The following ELP4 variants were observed in gnomAD, a reference collection of about 807,000 sequenced individuals.
The protein encoded by ELP4 is elongator complex protein 4.
Under a neutral mutation model 48.9 loss-of-function variants are expected in ELP4, and 51 were observed. That is an observed-to-expected ratio of 1.04 (90% confidence interval 0.83 to 1.32). ELP4 has a LOEUF of 1.32. ELP4 is among the 40% of genes most tolerant of loss of function. The pLI, the probability that ELP4 is intolerant of heterozygous loss-of-function variation, is 0.00. For synonymous variants in ELP4, 210 were observed against 189.2 expected (o/e 1.11, Z -0.90); for missense variants, 519 against 514.6 (o/e 1.01, Z -0.08).
chr11:31,564,676 G>A (rs1299588601), intron 3 of ELP4, among the ~76,000 whole-genome samples: 1 of 152,106 alleles, frequency 6.6e-6, no homozygotes, highest in Middle Eastern at 3.2e-3. Context: ...ATGGTTTCCA[G>A]CTTCGTCTAT....
intron 9 of ELP4, among the ~76,000 whole-genome samples, chr11:31,701,623 C>G (rs556972628): frequency 6.6e-6 from 1 of 151,370 alleles, no homozygotes; most frequent in African/African-American, 2.4e-5. Flanking sequence ...GCTCCTATTG[C>G]CAAGCCAGTT....
intron 9 of ELP4, among the ~76,000 whole-genome samples, chr11:31,708,898 T>C (rs1007863396): frequency 6.6e-6 from 1 of 152,168 alleles, no homozygotes; most frequent in Non-Finnish European, 1.5e-5. Context: ...ACATCCAAGA[T>C]TTTGTTTGTA....
At chr11:31,655,818 A>G (rs988609082) in intron 9 of ELP4, among the ~76,000 whole-genome samples, 4 of 152,054 alleles carry the variant, frequency 2.6e-5, no homozygotes, top group Non-Finnish European at 2.9e-5. Flanking sequence ...TTAACTTCCT[A>G]TATAAATGTT....
intron 9 of ELP4, among the ~76,000 whole-genome samples, chr11:31,780,145 G>A (rs983576840): frequency 9.2e-5 from 14 of 152,122 alleles, no homozygotes; most frequent in Admixed American, 7.2e-4. Flanking sequence ...AAGTCTAAAG[G>A]AGGTCACCAT....
chr11:31,523,557 A>G (rs1337093769), intron 2 of ELP4, among the ~76,000 whole-genome samples: 1 of 152,162 alleles, frequency 6.6e-6, no homozygotes, highest in Non-Finnish European at 1.5e-5. Context: ...GCTAATGAGC[A>G]CTGCCAGAAA....
chr11:31,651,051 A>G (rs1451124891), intron 9 of ELP4: 1 of 151,704 alleles, frequency 6.6e-6, no homozygotes, highest in East Asian at 1.9e-4. Flanking sequence ...GAGAATTGCC[A>G]CCAATAAATT....
At chr11:31,549,340 A>G (rs1956795241) in intron 3 of ELP4, among the ~76,000 whole-genome samples, 1 of 152,168 alleles carries the variant, frequency 6.6e-6, no homozygotes, top group African/African-American at 2.4e-5. Context: ...ATGAACAGAC[A>G]CTTCTCAAAA....
At chr11:31,737,538 A>T (rs999867141) in intron 9 of ELP4, among the ~76,000 whole-genome samples, 7 of 152,128 alleles carry the variant, frequency 4.6e-5, no homozygotes, top group African/African-American at 1.7e-4. Context: ...AAGGTGGCCT[A>T]CAGACTGGGA....
chr11:31,590,123 G>T (rs184588388), intron 3 of ELP4, among the ~76,000 whole-genome samples: 2 of 151,934 alleles, frequency 1.3e-5, no homozygotes, highest in Non-Finnish European at 2.9e-5. Context: ...GGCAAAAACC[G>T]CAATTATTTT....
chr11:31,539,247 G>A (rs567830009), intron 2 of ELP4, among the ~76,000 whole-genome samples: 35 of 152,232 alleles, frequency 2.3e-4, no homozygotes, highest in African/African-American at 6.3e-4. Context: ...GGCAGATCAC[G>A]AGGTCAGGAG....
intron 9 of ELP4, among the ~76,000 whole-genome samples, chr11:31,658,785 C>T (rs1005294163): frequency 1.3e-5 from 2 of 151,912 alleles, no homozygotes; most frequent in African/African-American, 2.4e-5. Context: ...AAGGTATATA[C>T]AACTTTTAAT....
intron 9 of ELP4, among the ~76,000 whole-genome samples, chr11:31,724,587 G>C (rs1184554210): frequency 6.6e-6 from 1 of 152,204 alleles, no homozygotes; most frequent in Non-Finnish European, 1.5e-5. Context: ...TTGTGGATTT[G>C]CAAGTGACCA....
intron 2 of ELP4, among the ~76,000 whole-genome samples, chr11:31,531,050 C>T (rs1263979906): frequency 3.3e-5 from 5 of 152,150 alleles, no homozygotes; most frequent in Non-Finnish European, 7.4e-5. Context: ...GCTTATTGTA[C>T]AACCTCAAAA....
chr11:31,687,458 CATAG>C (rs1341880627), intron 9 of ELP4, among the ~76,000 whole-genome samples: 2 of 152,164 alleles, frequency 1.3e-5, no homozygotes, highest in African/African-American at 2.4e-5. Context: ...ACAGTTGACT[CATAG>C]ATAGAGAAGT....
intron 3 of ELP4, among the ~76,000 whole-genome samples, chr11:31,544,175 C>T (rs888659546): frequency 4.6e-5 from 7 of 152,214 alleles, no homozygotes; most frequent in Middle Eastern, 3.2e-3. Flanking sequence ...GTGCACCATG[C>T]GCAAGCCGAA....
chr11:31,787,444 C>T lies in ELP4; in HGVS notation c.*3920C>T, dbSNP rs886048191. On this transcript the variant is annotated 3_prime_UTR_variant, in exon 10 of 10. Coordinates refer to ENST00000640961, the MANE Select transcript of ELP4 (RefSeq NM_019040.5). ...CGTGGGCCGGAACTGGCTGCCTGACCGTGGTGGAAATTACAGCCAGCGAGA... is the reference window on the plus strand; with the variant it reads ...CGTGGGCCGGAACTGGCTGCCTGACTGTGGTGGAAATTACAGCCAGCGAGA... 3.9e-5 allele frequency: 9 copies of T among 233,242 alleles called. No individual in the cohort carries two copies. Among genetic ancestry groups the T allele is most frequent in the Middle Eastern group, 1.3e-3 (1 of 786 alleles). 14.4% of individuals were successfully genotyped at this position (233,242 alleles called of 1,614,324 possible). A position where few individuals can be genotyped will look rare whatever the true frequency, so the allele number is the denominator to read the frequency against.
rs1421319292 is a variant in ELP4 at position 31,549,520 on chromosome 11, C to A, written c.381+9737C>A. ...TGGAGAGGATGTGGAGAAATAGGAA[C>A]ACTTTTACACTGTTGGTGGGACTGT... On this transcript the variant is annotated intron_variant, in intron 3 of 9. Coordinates refer to ENST00000640961, the MANE Select transcript of ELP4 (RefSeq NM_019040.5). Among the ~76,000 whole-genome samples the A allele has an allele frequency of 3.3e-5, 5 of 151,534 alleles. No homozygotes were observed. In the East Asian group the frequency reaches 9.7e-4, roughly 29 times the overall value.
chr11:31,741,933 C>T (rs373754184), intron 9 of ELP4, among the ~76,000 whole-genome samples: 10 of 151,930 alleles, frequency 6.6e-5, no homozygotes, highest in Non-Finnish European at 1.0e-4. Flanking sequence ...AGGCTTCAGA[C>T]GATCAAACTA....
intron 9 of ELP4, among the ~76,000 whole-genome samples, chr11:31,750,596 GATGTTTTCTTCCATAA>G (rs1228226256): frequency 6.6e-6 from 1 of 151,984 alleles, no homozygotes; most frequent in Admixed American, 6.6e-5. Flanking sequence ...TACTTCCATA[GATGTTTTCTTCCATAA>G]AAAGTGTTGT....
Sources: allele counts gnomAD v4.1 joint callset (sites outside exome capture counted in the v4.1 genomes callset), GRCh38; gene constraint gnomAD v4.1.1; transcripts MANE v1.5; gene names NCBI Gene and HGNC (gene_info 2026-07-23, HGNC 2026-07-21).